Variants in GSE1 observed in about 807,000 individuals in gnomAD.
The protein encoded by GSE1 is Gse1 coiled-coil protein, also known as genetic suppressor element 1.
In GSE1, 32 loss-of-function variants were observed where a neutral mutation model predicts 112.6. The observed-to-expected ratio is 0.28, with a 90% CI of 0.21 to 0.38. GSE1 has a LOEUF of 0.38. Ranked by LOEUF, GSE1 falls within the 10% of genes least tolerant of loss-of-function variation. The probability of loss-of-function intolerance (pLI) is 1.00; values close to 1 mark genes in which losing one functional copy is unlikely to be tolerated. For missense variants in GSE1, 2,348 were observed against 1,699.2 expected (o/e 1.38, Z -6.71); for synonymous variants, 1,115 against 735.6 (o/e 1.52, Z -8.35).
intron 1 of GSE1, among the ~76,000 whole-genome samples, chr16:85,264,578 C>A (rs1013524164): frequency 6.6e-6 from 1 of 152,162 alleles, no homozygotes; most frequent in Non-Finnish European, 1.5e-5. Context: ...CCCCCAGGGA[C>A]GAGAGGAAGG....
At chr16:85,281,763 G>A (rs946115110) in intron 1 of GSE1, among the ~76,000 whole-genome samples, 1 of 152,168 alleles carries the variant, frequency 6.6e-6, no homozygotes, top group East Asian at 1.9e-4. Flanking sequence ...TGGGGTGGGA[G>A]GATGGAGAGC....
intron 2 of GSE1, among the ~76,000 whole-genome samples, chr16:85,380,843 G>C (rs2047530527): frequency 6.6e-6 from 1 of 152,158 alleles, no homozygotes; most frequent in Non-Finnish European, 1.5e-5. Context: ...CCTTCTCCCT[G>C]GTCTTTGCAT....
chr16:85,658,313 C>T (rs2052144298), intron 8 of GSE1, among the ~76,000 whole-genome samples: 1 of 152,192 alleles, frequency 6.6e-6, no homozygotes, highest in Non-Finnish European at 1.5e-5. Flanking sequence ...TGGGAATGAC[C>T]TGCCAGCCTT....
At chr16:85,617,854 C>T (rs2048476065) in intron 1 of GSE1, among the ~76,000 whole-genome samples, 1 of 152,054 alleles carries the variant, frequency 6.6e-6, no homozygotes, top group South Asian at 2.1e-4. Flanking sequence ...GCCTTGCTTG[C>T]CCCGGAATTG....
At chr16:85,591,451 G>T (rs2046999501) in intron 1 of GSE1, among the ~76,000 whole-genome samples, 1 of 152,254 alleles carries the variant, frequency 6.6e-6, no homozygotes, top group South Asian at 2.1e-4. Context: ...CCGACTCCCA[G>T]ATGCGGATGG....
chr16:85,413,860 G>A lies in GSE1; in HGVS notation c.2464+56217G>A, dbSNP rs76523605. Among the ~76,000 whole-genome samples the A allele has an allele frequency of 4.8e-3, 725 of 152,238 alleles. 8 individuals are homozygous for A. The highest frequency in any genetic ancestry group is 0.016 in the African/African-American group (660 of 41,532). Reference sequence around the variant, plus strand: ...CTAGATCATGGGGGTGGTTTTCCTTGTACTGTTCTCGTGATAGTGAGTGAG... The same window carrying A: ...CTAGATCATGGGGGTGGTTTTCCTTATACTGTTCTCGTGATAGTGAGTGAG... On this transcript the variant is annotated intron_variant, in intron 2 of 2. Transcript: ENST00000637419.
At chr16:85,345,999 T>G (rs139414911) in intron 1 of GSE1, among the ~76,000 whole-genome samples, 2 of 150,320 alleles carry the variant, frequency 1.3e-5, no homozygotes, top group African/African-American at 4.9e-5. Context: ...GATGGATAGA[T>G]GCATGGACAG....
At chr16:85,527,764 A>C (rs1437704699) in intron 2 of GSE1, among the ~76,000 whole-genome samples, 1 of 152,254 alleles carries the variant, frequency 6.6e-6, no homozygotes, top group Admixed American at 6.5e-5. Flanking sequence ...ACACCGATGG[A>C]CGTGGACAGC....
intron 14 of GSE1, among the ~76,000 whole-genome samples, chr16:85,670,144 T>C (rs927333918): frequency 2.0e-5 from 3 of 152,232 alleles, no homozygotes; most frequent in Non-Finnish European, 2.9e-5. Context: ...AGGTATCACA[T>C]AGATTTTGGG....
rs964663807 is a variant in GSE1, at chr16:85,675,991, G to C, written c.*3452G>C. On this transcript the variant is annotated 3_prime_UTR_variant, in exon 16 of 16. Transcript: ENST00000253458. The stretch of plus-strand genomic sequence containing the variant: ...GTACCCTGTGCTTAATTCTATAACA[G>C]TAAACCCCATACGCAGGTGGGAGGG... 3 of 152,640 alleles carry C rather than the reference G, an allele frequency of 2.0e-5. No homozygotes were observed. Among genetic ancestry groups the C allele is most frequent in the African/African-American group, 7.2e-5 (3 of 41,440 alleles). The allele number at this position is 152,640 out of a possible 1,614,324, so 9.5% of individuals were successfully genotyped here. A position where few individuals can be genotyped will look rare whatever the true frequency, so the allele number is the denominator to read the frequency against.
intron 1 of GSE1, among the ~76,000 whole-genome samples, chr16:85,562,803 A>G (rs2045582193): frequency 2.0e-5 from 3 of 152,238 alleles, no homozygotes; most frequent in African/African-American, 7.2e-5. Flanking sequence ...GGCATTGTGT[A>G]GATGAGATCA....
intron 2 of GSE1, among the ~76,000 whole-genome samples, chr16:85,362,102 A>G (rs1229774906): frequency 1.3e-5 from 2 of 152,156 alleles, no homozygotes; most frequent in African/African-American, 4.8e-5. Flanking sequence ...TGTGAAGGCC[A>G]TGAGGAACCC....
chr16:85,447,975 G>A (rs1397846085), intron 2 of GSE1, among the ~76,000 whole-genome samples: 1 of 152,202 alleles, frequency 6.6e-6, no homozygotes, highest in East Asian at 1.9e-4. Flanking sequence ...GTGGCTTAGT[G>A]TAGGGGACAG....
intron 1 of GSE1, among the ~76,000 whole-genome samples, chr16:85,300,948 G>A (rs964629569): frequency 6.6e-6 from 1 of 152,208 alleles, no homozygotes; most frequent in Non-Finnish European, 1.5e-5. Context: ...AGAAGGGGAA[G>A]ACATAGGCAG....
intron 2 of GSE1, among the ~76,000 whole-genome samples, chr16:85,479,213 T>A (rs1331819499): frequency 2.8e-5 from 4 of 144,156 alleles, no homozygotes; most frequent in Non-Finnish European, 6.0e-5. Flanking sequence ...TTTTTTTTTT[T>A]AGTAGAGACG....
chr16:85,400,453 CGT>C (rs1199272250), intron 2 of GSE1, among the ~76,000 whole-genome samples: 1 of 148,094 alleles, frequency 6.8e-6, no homozygotes, highest in Non-Finnish European at 1.5e-5. Flanking sequence ...GTTGTATGTC[CGT>C]GTGTTGTATG....
intron 1 of GSE1, among the ~76,000 whole-genome samples, chr16:85,348,156 C>T (rs535945327): frequency 7.9e-5 from 12 of 152,294 alleles, no homozygotes; most frequent in African/African-American, 2.9e-4. Flanking sequence ...GTCCTCCATC[C>T]ATCCATCATC....
At chr16:85,494,695 C>T (rs2051114246) in intron 2 of GSE1, among the ~76,000 whole-genome samples, 2 of 152,200 alleles carry the variant, frequency 1.3e-5, no homozygotes, top group African/African-American at 4.8e-5. Flanking sequence ...TGAGCAACTA[C>T]ACCTGGCCCC....
chr16:85,415,749 C>T (rs941733449), intron 2 of GSE1, among the ~76,000 whole-genome samples: 1 of 152,212 alleles, frequency 6.6e-6, no homozygotes, highest in African/African-American at 2.4e-5. Flanking sequence ...TTCCCCCTGT[C>T]CTGGAGGTGC....
Sources: gnomAD v4.1 joint callset for allele counts (sites outside exome capture counted in the v4.1 genomes callset) on GRCh38, gnomAD v4.1.1 for gene constraint, MANE v1.5 for transcripts, NCBI Gene and HGNC (gene_info 2026-07-23, HGNC 2026-07-21) for gene names.